PTPRT: variants seen among roughly 807,000 people sequenced by gnomAD.
PTPRT encodes receptor-type tyrosine-protein phosphatase T.
A neutral mutation model predicts 176.8 loss-of-function variants in PTPRT; 56 were observed. That is an observed-to-expected ratio of 0.32 (90% CI 0.26 to 0.40). PTPRT has a LOEUF of 0.40. Ranked by LOEUF, PTPRT falls within the 10% of genes least tolerant of loss-of-function variation. PTPRT has a pLI of 1.00. For missense variants in PTPRT, 1,540 were observed against 1,908.2 expected (o/e 0.81, Z 3.60); for synonymous variants, 783 against 739.0 (o/e 1.06, Z -0.96).
intron 9 of PTPRT, among the ~76,000 whole-genome samples, chr20:42,404,454 T>A (rs1284710456): frequency 1.3e-5 from 2 of 152,146 alleles, no homozygotes; most frequent in Non-Finnish European, 2.9e-5. Flanking sequence ...ATTATTTCCA[T>A]TTTTTGCCTG....
At chr20:42,295,898 G>A (rs750781671) in intron 12 of PTPRT, among the ~76,000 whole-genome samples, 1 of 152,178 alleles carries the variant, frequency 6.6e-6, no homozygotes, top group East Asian at 1.9e-4. Context: ...TGCTTCGCAC[G>A]TCTCTCTTCT....
At chr20:42,409,539 T>TA (rs1482054833) in intron 9 of PTPRT, among the ~76,000 whole-genome samples, 3 of 137,728 alleles carry the variant, frequency 2.2e-5, no homozygotes, top group Non-Finnish European at 4.6e-5. Context: ...TACAAACTGA[T>TA]ATATCAACAA....
intron 9 of PTPRT, among the ~76,000 whole-genome samples, chr20:42,380,654 C>T (rs1272836855): frequency 1.3e-5 from 2 of 152,198 alleles, no homozygotes; most frequent in East Asian, 1.9e-4. Flanking sequence ...CGGCTCTTAG[C>T]GTAGCTTTGC....
intron 11 of PTPRT, 114 bp downstream of exon 11, chr20:42,350,514 G>A (rs1040292215): frequency 1.1e-6 from 1 of 899,030 alleles, no homozygotes; most frequent in Non-Finnish European, 1.8e-6. Flanking sequence ...CTCCGAGGAA[G>A]CTTTGTTCCT....
chr20:42,846,600 A>G (rs2078376758), intron 2 of PTPRT, among the ~76,000 whole-genome samples: 1 of 152,216 alleles, frequency 6.6e-6, no homozygotes, highest in South Asian at 2.1e-4. Flanking sequence ...GCATTTGGTG[A>G]GCCTCAAACA....
At chr20:42,544,961 G>A (rs2072648362) in intron 7 of PTPRT, among the ~76,000 whole-genome samples, 1 of 152,112 alleles carries the variant, frequency 6.6e-6, no homozygotes, top group Admixed American at 6.6e-5. Context: ...CCCAGACATG[G>A]GTCTTCTATG....
Position 43,074,436 on chromosome 20 carries a change from A to C in PTPRT, c.88+115210T>G, listed in dbSNP as rs541956231. On this transcript the variant is annotated intron_variant, in intron 1 of 30. Coordinates refer to ENST00000373187, the MANE Select transcript of PTPRT (RefSeq NM_007050.6). ...GTTGGCAATCTGTACTGGGCTCCCAAGCTTCCATATGTCCATCATTTAATT... is the reference window on the plus strand; with the variant it reads ...GTTGGCAATCTGTACTGGGCTCCCACGCTTCCATATGTCCATCATTTAATT... Among the ~76,000 whole-genome samples the C allele has an allele frequency of 4.6e-5, 7 of 152,358 alleles. No individual in the cohort carries two copies. In the South Asian group the frequency reaches 1.2e-3, roughly 27 times the overall value.
chr20:42,270,843 C>T (rs1222664994), intron 13 of PTPRT, among the ~76,000 whole-genome samples: 1 of 152,180 alleles, frequency 6.6e-6, no homozygotes, highest in East Asian at 1.9e-4. Context: ...TGTAGCTTCT[C>T]AGTCTAGACA....
chr20:42,999,938 C>A (rs1984455599), intron 1 of PTPRT, among the ~76,000 whole-genome samples: 1 of 151,772 alleles, frequency 6.6e-6, no homozygotes, highest in African/African-American at 2.4e-5. Context: ...TAATTTAGAA[C>A]TTCATCCCAC....
intron 7 of PTPRT, among the ~76,000 whole-genome samples, chr20:42,485,378 T>A (rs2145349403): frequency 6.6e-6 from 1 of 152,286 alleles, no homozygotes; most frequent in South Asian, 2.1e-4. Context: ...AAAAGCCACC[T>A]AGCACTGGGC....
At chr20:43,160,372 C>T (rs541270428) in intron 1 of PTPRT, among the ~76,000 whole-genome samples, 24 of 152,298 alleles carry the variant, frequency 1.6e-4, no homozygotes, top group African/African-American at 3.4e-4. Flanking sequence ...GAGTTAGCAA[C>T]GGTCCCAAAG....
chr20:42,390,880 C>A (rs111930515), intron 9 of PTPRT, among the ~76,000 whole-genome samples: 30 of 151,960 alleles, frequency 2.0e-4, no homozygotes, highest in Non-Finnish European at 4.0e-4. Context: ...GAGTACCGAC[C>A]GAGAGGCTGG....
intron 15 of PTPRT, among the ~76,000 whole-genome samples, chr20:42,235,337 A>G (rs575966448): frequency 8.6e-5 from 13 of 151,920 alleles, no homozygotes; most frequent in Admixed American, 1.3e-4. Context: ...ATTTTGGCTC[A>G]CTACAACCTC....
intron 1 of PTPRT, among the ~76,000 whole-genome samples, chr20:42,924,852 C>T (rs952243198): frequency 1.3e-5 from 2 of 152,184 alleles, no homozygotes; most frequent in African/African-American, 4.8e-5. Context: ...TGGTCATGTA[C>T]ATCACCTGGG....
intron 1 of PTPRT, among the ~76,000 whole-genome samples, chr20:43,089,905 G>A (rs948521228): frequency 6.6e-6 from 1 of 152,124 alleles, no homozygotes; most frequent in Non-Finnish European, 1.5e-5. Context: ...TCCAGAGTGG[G>A]GATTATCACC....
intron 13 of PTPRT, among the ~76,000 whole-genome samples, chr20:42,268,958 CTT>C (rs2056884880): frequency 1.3e-5 from 2 of 152,190 alleles, no homozygotes; most frequent in South Asian, 4.1e-4. Flanking sequence ...AAGGGAACCA[CTT>C]CCCCAGGAGG....
At chr20:42,944,675 G>A (rs372798528) in intron 1 of PTPRT, among the ~76,000 whole-genome samples, 1 of 152,154 alleles carries the variant, frequency 6.6e-6, no homozygotes, top group African/African-American at 2.4e-5. Flanking sequence ...CCAAGAGAAG[G>A]AGGTACCTTC....
rs139173958 is a variant in PTPRT at position 42,622,949 on chromosome 20, C to G, written c.1153+54917G>C. Among the ~76,000 whole-genome samples the G allele has an allele frequency of 2.0e-4, 31 of 152,314 alleles. No homozygotes were observed. In the East Asian group the frequency reaches 5.8e-3, roughly 29 times the overall value. On this transcript the variant is annotated intron_variant, in intron 7 of 30. Coordinates refer to ENST00000373187, the MANE Select transcript of PTPRT (RefSeq NM_007050.6). ...TTGCCTTTTGGCCTGCTATGTCCCC[C>G]TATCTTGCATCCATATAAACCCTGA... is the stretch of plus-strand genomic sequence containing the variant.
intron 1 of PTPRT, among the ~76,000 whole-genome samples, chr20:43,112,146 C>T (rs1049277849): frequency 6.6e-6 from 1 of 152,214 alleles, no homozygotes; most frequent in African/African-American, 2.4e-5. Context: ...TAGCAGGGTG[C>T]TATCCGAGGA....
Sources: allele counts gnomAD v4.1 joint callset (sites outside exome capture counted in the v4.1 genomes callset), GRCh38; gene constraint gnomAD v4.1.1; transcripts MANE v1.5; gene names NCBI Gene and HGNC (gene_info 2026-07-23, HGNC 2026-07-21).